RORA: variants seen among roughly 807,000 people sequenced by gnomAD.
RORA encodes the protein nuclear receptor ROR-alpha.
Under a neutral mutation model 69.5 loss-of-function variants are expected in RORA, and 7 were observed. The observed-to-expected ratio is 0.10, with a 90% CI of 0.06 to 0.19. RORA has a LOEUF of 0.19. Ranked by LOEUF, RORA falls within the 10% of genes least tolerant of loss-of-function variation. The pLI is 1.00. For synonymous variants in RORA, 261 were observed against 240.8 expected (o/e 1.08, Z -0.78); for missense variants, 457 against 663.0 (o/e 0.69, Z 3.41).
intron 1 of RORA, among the ~76,000 whole-genome samples, chr15:61,063,883 C>T (rs1166401524): frequency 6.6e-6 from 1 of 152,204 alleles, no homozygotes; most frequent in Non-Finnish European, 1.5e-5. Flanking sequence ...GGCCTAGCTA[C>T]TGAAACTGGG....
chr15:61,128,204 C>CAT lies in RORA; in HGVS notation c.166+100848_166+100849insAT, dbSNP rs1555413362. On this transcript the variant is annotated intron_variant, in intron 1 of 10. Transcript: ENST00000335670. This position sits in a 1 kb window ranked among gnomAD's most constrained non-coding sequence, Gnocchi z 4.5. The stretch of plus-strand genomic sequence containing the variant: ...TAATTGCTGTGTGTGTGTATGCACA[C>CAT]GTGTGTGTGTGTGTGTGTGTCTGTG... Among the ~76,000 whole-genome samples, 3 of 150,028 alleles carry CAT rather than the reference C, an allele frequency of 2.0e-5. No homozygotes were observed. Among genetic ancestry groups the CAT allele is most frequent in the South Asian group, 2.1e-4 (1 of 4,724 alleles).
intron 1 of RORA, among the ~76,000 whole-genome samples, chr15:60,931,075 C>A (rs1468014368): frequency 1.3e-5 from 2 of 152,112 alleles, no homozygotes; most frequent in Non-Finnish European, 2.9e-5. Context: ...GGGGGAAGAC[C>A]ACATGGAAGA....
chr15:60,910,740 C>T (rs1475680836), intron 1 of RORA, among the ~76,000 whole-genome samples: 8 of 152,094 alleles, frequency 5.3e-5, no homozygotes, highest in Non-Finnish European at 1.2e-4. Context: ...TTGATACATG[C>T]AAAATGCTTT....
At chr15:60,572,178 T>C (rs1203060041) in intron 2 of RORA, among the ~76,000 whole-genome samples, 1 of 152,200 alleles carries the variant, frequency 6.6e-6, no homozygotes, top group Admixed American at 6.5e-5. Context: ...TTGAGTAGCT[T>C]TAAATGTAGA....
At chr15:60,620,438 G>T (rs944115190) in intron 2 of RORA, among the ~76,000 whole-genome samples, 2 of 152,172 alleles carry the variant, frequency 1.3e-5, no homozygotes, top group Admixed American at 6.5e-5. Flanking sequence ...TAAGTGGTTA[G>T]AACAGTGTCT....
chr15:61,141,353 G>A (rs2079296728), intron 1 of RORA, among the ~76,000 whole-genome samples: 1 of 152,140 alleles, frequency 6.6e-6, no homozygotes, highest in African/African-American at 2.4e-5. Context: ...TGACTGGAAT[G>A]ATTTAAAGCC....
chr15:60,747,407 G>A (rs936260497), intron 1 of RORA, among the ~76,000 whole-genome samples: 3 of 152,260 alleles, frequency 2.0e-5, no homozygotes, highest in East Asian at 1.9e-4. Flanking sequence ...GGTAGGGTTC[G>A]AGTGACTGGA....
chr15:61,051,395 G>C (rs1897283256), intron 1 of RORA, among the ~76,000 whole-genome samples: 1 of 152,192 alleles, frequency 6.6e-6, no homozygotes, highest in Non-Finnish European at 1.5e-5. Context: ...CCACAAACTT[G>C]CAAGCCTGAG....
At chr15:60,770,953 A>AT (rs1478862207) in intron 1 of RORA, among the ~76,000 whole-genome samples, 1 of 152,170 alleles carries the variant, frequency 6.6e-6, no homozygotes, top group South Asian at 2.1e-4. Context: ...ACCAAATAAT[A>AT]TTTTTGTATA....
intron 2 of RORA, among the ~76,000 whole-genome samples, chr15:60,549,000 TAC>T (rs1308438994): frequency 1.3e-5 from 2 of 152,216 alleles, no homozygotes. Flanking sequence ...TTAAACTTGA[TAC>T]ACACAGTTTA....
intron 1 of RORA, among the ~76,000 whole-genome samples, chr15:60,786,163 C>T (rs1021539572): frequency 3.3e-5 from 5 of 152,188 alleles, no homozygotes; most frequent in Non-Finnish European, 4.4e-5. Context: ...GACATCACTA[C>T]GGTTGAGAGT....
At chr15:60,842,240 C>T (rs1425198004) in intron 1 of RORA, among the ~76,000 whole-genome samples, 1 of 152,100 alleles carries the variant, frequency 6.6e-6, no homozygotes, top group Admixed American at 6.5e-5. Context: ...AAACTGATGA[C>T]AGGTGAAGAT....
chr15:61,041,131 A>G (rs1896745946), intron 1 of RORA: 1 of 152,288 alleles, frequency 6.6e-6, no homozygotes, highest in Non-Finnish European at 1.5e-5. Context: ...GATCCTCCAG[A>G]AGCCTGTAAA....
chr15:61,095,480 A>G (rs1309674362), intron 1 of RORA, among the ~76,000 whole-genome samples: 3 of 152,208 alleles, frequency 2.0e-5, no homozygotes, highest in Non-Finnish European at 4.4e-5. Flanking sequence ...CATTCAACTA[A>G]ACAAGGTTAA....
intron 4 of RORA, among the ~76,000 whole-genome samples, chr15:60,513,261 T>C (rs570456420): frequency 6.6e-6 from 1 of 152,360 alleles, no homozygotes; most frequent in East Asian, 1.9e-4. Flanking sequence ...TTCAGAACCA[T>C]AATTTCTTAA....
chr15:61,071,796 A>G (rs988147734), intron 1 of RORA, among the ~76,000 whole-genome samples: 1 of 152,052 alleles, frequency 6.6e-6, no homozygotes, highest in Non-Finnish European at 1.5e-5. Context: ...ATTATTTTAG[A>G]TGTAAAGACA....
chr15:61,104,701 T>C (rs1054422083), intron 1 of RORA, among the ~76,000 whole-genome samples: 1 of 152,158 alleles, frequency 6.6e-6, no homozygotes, highest in South Asian at 2.1e-4. Flanking sequence ...CAGGTAGAGT[T>C]CCTCCTGCCA....
At chr15:60,620,126 C>T (rs1384002233) in intron 2 of RORA, among the ~76,000 whole-genome samples, 1 of 152,208 alleles carries the variant, frequency 6.6e-6, no homozygotes, top group Non-Finnish European at 1.5e-5. Flanking sequence ...AGTGAGGAAT[C>T]TACTTTAGAC....
chr15:60,615,024 A>T, intron 2 of RORA: 1 of 1,612,140 alleles, frequency 6.2e-7, no homozygotes, highest in South Asian at 1.1e-5. Context: ...TACAGGTTGA[A>T]GAGCTGTCAG....
Sources: allele counts gnomAD v4.1 joint callset (sites outside exome capture counted in the v4.1 genomes callset), GRCh38; gene constraint gnomAD v4.1.1; non-coding constraint Gnocchi (gnomAD v3.1); transcripts MANE v1.5; gene names NCBI Gene and HGNC (gene_info 2026-07-23, HGNC 2026-07-21).